The following UTS2 variants were observed in gnomAD, a reference collection of about 807,000 sequenced individuals.
UTS2 encodes the protein urotensin-2.
UTS2 carries 10 observed loss-of-function variants against 12.6 expected under a neutral mutation model. The ratio of observed to expected loss-of-function variants is 0.80; its 90% CI spans 0.49 to 1.35. UTS2 has a LOEUF of 1.35. Ranked by LOEUF, UTS2 falls within the 40% of genes most tolerant of loss-of-function variation. UTS2 has a pLI of 0.00. For synonymous variants in UTS2, 52 were observed against 50.0 expected, an observed-to-expected ratio of 1.04 and a Z score of -0.17; for missense variants, 142 against 143.2, an observed-to-expected ratio of 0.99 and a Z score of 0.04.
chr1:7,889,789 G>A, the UTS2 span, among the ~76,000 whole-genome samples: 5 of 150,022 alleles, frequency 3.3e-5, no homozygotes, highest in Admixed American at 1.3e-4. Flanking sequence ...CCATTTGGCC[G>A]GGCGCAGTGG....
At chr1:7,886,696 C>T in the UTS2 span, among the ~76,000 whole-genome samples, 1 of 152,122 alleles carries the variant, frequency 6.6e-6, no homozygotes, top group Non-Finnish European at 1.5e-5. Flanking sequence ...TAATTGGCAC[C>T]GCCATTACAT....
the UTS2 span, among the ~76,000 whole-genome samples, chr1:7,898,416 G>A: frequency 6.6e-6 from 1 of 152,216 alleles, no homozygotes; most frequent in Non-Finnish European, 1.5e-5. Flanking sequence ...GATGGACAGA[G>A]AGAGAAGGGG....
chr1:7,855,609 C>CTGGCCT (rs1400669802), upstream of UTS2, among the ~76,000 whole-genome samples: 3 of 151,988 alleles, frequency 2.0e-5, no homozygotes, highest in Non-Finnish European at 4.4e-5. Context: ...TCTTGACCTC[C>CTGGCCT]TGGCCTTAAG....
chr1:7,911,900 C>CA, the UTS2 span, among the ~76,000 whole-genome samples: 17,869 of 133,450 alleles, frequency 0.13, 1,398 homozygotes, highest in Non-Finnish European at 0.18. Flanking sequence ...GACTCTGTCT[C>CA]AAAAAAAAAA....
chr1:7,905,433 G>A, the UTS2 span, among the ~76,000 whole-genome samples: 4 of 117,504 alleles, frequency 3.4e-5, no homozygotes, highest in South Asian at 5.7e-4. Flanking sequence ...GCGTGACGCC[G>A]TGCCAGGCCG....
chr1:7,849,491 A>T, intron 3 of UTS2, 149 bp downstream of exon 3: 1 of 675,894 alleles, frequency 1.5e-6, no homozygotes, highest in South Asian at 1.9e-5. Flanking sequence ...GATCACAGGC[A>T]TGAGCTACCG....
At chr1:7,882,304 C>T in the UTS2 span, among the ~76,000 whole-genome samples, 2 of 152,068 alleles carry the variant, frequency 1.3e-5, no homozygotes, top group African/African-American at 2.4e-5. Flanking sequence ...CACTGCACTC[C>T]AGCCTGGGCA....
chr1:7,883,165 T>C, the UTS2 span, among the ~76,000 whole-genome samples: 1 of 152,078 alleles, frequency 6.6e-6, no homozygotes, highest in South Asian at 2.1e-4. Context: ...ATAAAGAAAA[T>C]GTGGTACATA....
chr1:7,900,789 A>C, the UTS2 span, among the ~76,000 whole-genome samples: 1,656 of 152,188 alleles, frequency 0.011, 35 homozygotes, highest in African/African-American at 0.038. Context: ...TCCAAAAAAA[A>C]AAAATTGTTT....
At chr1:7,859,982 G>A in the UTS2 span, among the ~76,000 whole-genome samples, 1 of 145,794 alleles carries the variant, frequency 6.9e-6, no homozygotes, top group Non-Finnish European at 1.5e-5. Context: ...TTAGGCGACA[G>A]AGCGAGATCC....
upstream of UTS2, chr1:7,853,219 T>C: frequency 1.3e-6 from 2 of 1,576,136 alleles, no homozygotes; most frequent in Non-Finnish European, 1.7e-6. Context: ...TCATAGACAA[T>C]AAATTAACTG....
At chr1:7,856,030 T>C (rs1301897701), upstream of UTS2, among the ~76,000 whole-genome samples, 3 of 151,942 alleles carry the variant, frequency 2.0e-5, no homozygotes, top group Non-Finnish European at 4.4e-5. Flanking sequence ...AGGGTCTTGC[T>C]ATGTTGCCCA....
the UTS2 span, among the ~76,000 whole-genome samples, chr1:7,865,640 C>T: frequency 5.9e-5 from 9 of 152,146 alleles, no homozygotes; most frequent in African/African-American, 2.2e-4. Flanking sequence ...TCTTACAGAC[C>T]CTATCTCCAA....
At chr1:7,900,946 G>T in the UTS2 span, among the ~76,000 whole-genome samples, 1 of 152,178 alleles carries the variant, frequency 6.6e-6, no homozygotes, top group African/African-American at 2.4e-5. Flanking sequence ...TCCACTCCAT[G>T]AAAGTTTAAG....
chr1:7,849,802 C>T, intron 2 of UTS2, 119 bp from the exon 3 acceptor site: 1 of 853,418 alleles, frequency 1.2e-6, no homozygotes, highest in Non-Finnish European at 1.7e-6. Flanking sequence ...TTCCACACTG[C>T]AGCAAGCTTT....
At chr1:7,881,346 A>C in the UTS2 span, among the ~76,000 whole-genome samples, 2 of 152,204 alleles carry the variant, frequency 1.3e-5, no homozygotes, top group Non-Finnish European at 2.9e-5. Flanking sequence ...GAGGAAGTGA[A>C]ATTGTCCCTC....
the UTS2 span, among the ~76,000 whole-genome samples, chr1:7,909,049 C>T: frequency 6.6e-5 from 10 of 152,032 alleles, no homozygotes; most frequent in Admixed American, 2.0e-4. Flanking sequence ...TCTCGGCCTC[C>T]GAAAGTGCTG....
the UTS2 span, among the ~76,000 whole-genome samples, chr1:7,884,757 G>A: frequency 3.2e-4 from 49 of 150,974 alleles, no homozygotes; most frequent in Middle Eastern, 3.5e-3. Flanking sequence ...TCCATCTTTC[G>A]CCATCCATCC....
At chr1:7,880,616 G>A in the UTS2 span, among the ~76,000 whole-genome samples, 1 of 152,116 alleles carries the variant, frequency 6.6e-6, no homozygotes, top group Non-Finnish European at 1.5e-5. Context: ...GAACCAGGAA[G>A]AAATAGAAAA....
Sources: allele counts gnomAD v4.1 joint callset (sites outside exome capture counted in the v4.1 genomes callset), GRCh38; gene constraint gnomAD v4.1.1; transcripts MANE v1.5; gene names NCBI Gene and HGNC (gene_info 2026-07-23, HGNC 2026-07-21).